Variants in CLSTN2 observed in about 807,000 individuals in gnomAD.
CLSTN2 encodes calsyntenin-2.
A neutral mutation model predicts 101.2 loss-of-function variants in CLSTN2; 48 were observed. The observed-to-expected ratio is 0.47, with a 90% CI of 0.38 to 0.60. CLSTN2 has a LOEUF of 0.60. Among genes scored for constraint, CLSTN2 ranks in the 20% least tolerant of loss-of-function variants. The pLI is 0.00. For missense variants in CLSTN2, 1,160 were observed against 1,238.2 expected, an observed-to-expected ratio of 0.94 and a Z score of 0.95; for synonymous variants, 481 against 463.6, an observed-to-expected ratio of 1.04 and a Z score of -0.48.
chr3:140,071,699 C>G (rs191174404), intron 1 of CLSTN2, among the ~76,000 whole-genome samples: 3,363 of 152,050 alleles, frequency 0.022, 139 homozygotes, highest in African/African-American at 0.075. Context: ...GGCGTGGTGG[C>G]GGGCGCCTGT....
chr3:140,170,837 C>T (rs2010199903), intron 1 of CLSTN2, among the ~76,000 whole-genome samples: 1 of 152,184 alleles, frequency 6.6e-6, no homozygotes, highest in Admixed American at 6.5e-5. Flanking sequence ...TCACCATCAG[C>T]ATTTTACAGT....
intron 8 of CLSTN2, among the ~76,000 whole-genome samples, chr3:140,498,107 C>G (rs1056913834): frequency 2.0e-5 from 3 of 152,226 alleles, no homozygotes; most frequent in Admixed American, 1.3e-4. Flanking sequence ...TGGACTGCAG[C>G]TGTTTCTAAT....
intron 1 of CLSTN2, among the ~76,000 whole-genome samples, chr3:140,082,339 G>T (rs2008612513): frequency 6.6e-6 from 1 of 152,216 alleles, no homozygotes; most frequent in Admixed American, 6.5e-5. Context: ...CAGGGGGAAT[G>T]ATGGGAATGT....
intron 2 of CLSTN2, among the ~76,000 whole-genome samples, chr3:140,399,084 C>T (rs1173848588): frequency 3.9e-5 from 6 of 152,240 alleles, no homozygotes; most frequent in East Asian, 3.8e-4. Flanking sequence ...TCCTTTTCCA[C>T]GCAGCCCATG....
chr3:140,349,404 G>T (rs1390003158), intron 2 of CLSTN2, among the ~76,000 whole-genome samples: 1 of 152,128 alleles, frequency 6.6e-6, no homozygotes, highest in Non-Finnish European at 1.5e-5. Flanking sequence ...TTAAAGTGTG[G>T]TAAAGGAAGT....
chr3:140,266,341 C>G (rs957104856), intron 2 of CLSTN2, among the ~76,000 whole-genome samples: 11 of 152,094 alleles, frequency 7.2e-5, no homozygotes, highest in African/African-American at 2.4e-4. Context: ...ACAGTGAGAT[C>G]CAAAACAACA....
intron 1 of CLSTN2, among the ~76,000 whole-genome samples, chr3:140,042,570 A>C (rs111822246): frequency 2.5e-4 from 38 of 152,236 alleles, no homozygotes; most frequent in African/African-American, 8.7e-4. Flanking sequence ...CATGTGCACA[A>C]TGTGCAGGTT....
intron 1 of CLSTN2, among the ~76,000 whole-genome samples, chr3:139,943,565 C>T (rs1026294434): frequency 6.6e-6 from 1 of 152,164 alleles, no homozygotes; most frequent in Non-Finnish European, 1.5e-5. Flanking sequence ...CAGCATGGTG[C>T]CTTGAGATCC....
chr3:140,252,415 T>C (rs2086572111), intron 2 of CLSTN2, among the ~76,000 whole-genome samples: 1 of 152,284 alleles, frequency 6.6e-6, no homozygotes, highest in African/African-American at 2.4e-5. Context: ...TATCCAGTGC[T>C]TGCTGGAAAT....
chr3:140,272,048 C>T (rs1198868041), intron 2 of CLSTN2, among the ~76,000 whole-genome samples: 1 of 152,152 alleles, frequency 6.6e-6, no homozygotes, highest in Non-Finnish European at 1.5e-5. Context: ...AAATGAATGC[C>T]GTTAACTTTC....
intron 2 of CLSTN2, among the ~76,000 whole-genome samples, chr3:140,179,449 C>G (rs1366580720): frequency 6.7e-6 from 1 of 150,090 alleles, no homozygotes; most frequent in Non-Finnish European, 1.5e-5. Context: ...AAGATCTTGT[C>G]TCTACAAAAT....
At chr3:140,100,853 A>AT (rs1409080151) in intron 1 of CLSTN2, among the ~76,000 whole-genome samples, 1 of 152,246 alleles carries the variant, frequency 6.6e-6, no homozygotes, top group Non-Finnish European at 1.5e-5. Flanking sequence ...TCCAATGCCC[A>AT]TGTGTGAGTA....
intron 1 of CLSTN2, among the ~76,000 whole-genome samples, chr3:140,121,110 G>A (rs1333453409): frequency 5.3e-5 from 8 of 152,118 alleles, no homozygotes; most frequent in East Asian, 1.9e-4. Context: ...GAAGTAGTGC[G>A]GTGTCTCAGA....
At chr3:140,043,824 C>G (rs1449636240) in intron 1 of CLSTN2, among the ~76,000 whole-genome samples, 1 of 152,140 alleles carries the variant, frequency 6.6e-6, no homozygotes, top group East Asian at 1.9e-4. Flanking sequence ...TGTCAAAGAT[C>G]AGATGTTTGT....
rs111778983 is a variant in CLSTN2, at chr3:140,543,577, G to A, written c.1508-2938G>A. 3.5e-3 allele frequency among the ~76,000 whole-genome samples: 539 copies of A among 152,326 alleles called. 2 individuals are homozygous for A. Among genetic ancestry groups the A allele is most frequent in the Non-Finnish European group, 6.0e-3 (410 of 68,032 alleles). On this transcript the variant is annotated intron_variant, in intron 9 of 16. Transcript: ENST00000458420. The stretch of plus-strand genomic sequence containing the variant: ...CCAGGCTGAGAACGTCCCAAGGCAG[G>A]GCAGAGAGCAGGGCAGCTCAGGCTC...
chr3:140,527,683 G>C (rs1473264842), intron 8 of CLSTN2, among the ~76,000 whole-genome samples: 1 of 152,134 alleles, frequency 6.6e-6, no homozygotes, highest in Non-Finnish European at 1.5e-5. Flanking sequence ...CCCATCAACA[G>C]TGGGCTGAAT....
intron 2 of CLSTN2, among the ~76,000 whole-genome samples, chr3:140,247,261 C>A (rs1195791112): frequency 6.6e-6 from 1 of 152,154 alleles, no homozygotes; most frequent in Non-Finnish European, 1.5e-5. Flanking sequence ...CTACTAGCAG[C>A]AATTATGGCC....
intron 1 of CLSTN2, among the ~76,000 whole-genome samples, chr3:140,071,696 T>TG (rs1283351557): frequency 6.6e-6 from 1 of 152,020 alleles, no homozygotes; most frequent in African/African-American, 2.4e-5. Flanking sequence ...CCGGGCGTGG[T>TG]GGCGGGCGCC....
chr3:140,103,926 G>A (rs372800799), intron 1 of CLSTN2, among the ~76,000 whole-genome samples: 1 of 152,184 alleles, frequency 6.6e-6, no homozygotes, highest in African/African-American at 2.4e-5. Flanking sequence ...AAAAACTGTG[G>A]TATTCTGATC....
Sources: gnomAD v4.1 joint callset for allele counts (sites outside exome capture counted in the v4.1 genomes callset) on GRCh38, gnomAD v4.1.1 for gene constraint, MANE v1.5 for transcripts, NCBI Gene and HGNC (gene_info 2026-07-23, HGNC 2026-07-21) for gene names.